Variants in NAV2 observed in about 807,000 individuals in gnomAD.
NAV2 encodes neuron navigator 2.
Under a neutral mutation model 223.2 loss-of-function variants are expected in NAV2, and 54 were observed. That is an observed-to-expected ratio of 0.24 (90% CI 0.19 to 0.30). The LOEUF is 0.30. NAV2 is among the 10% of genes least tolerant of loss of function. NAV2 has a pLI of 1.00. For synonymous variants in NAV2, 1,279 were observed against 1,239.3 expected, an observed-to-expected ratio of 1.03 and a Z score of -0.67; for missense variants, 2,806 against 3,147.5, an observed-to-expected ratio of 0.89 and a Z score of 2.60.
At chr11:19,514,967 G>A in intron 1 of NAV2, among the ~76,000 whole-genome samples, 1 of 152,122 alleles carries the variant, frequency 6.6e-6, no homozygotes, top group East Asian at 1.9e-4. Context: ...GGAAATCTAG[G>A]TTCTCCTTCC....
At chr11:19,710,645 G>T (rs1463332996), upstream of NAV2, among the ~76,000 whole-genome samples, 1 of 152,234 alleles carries the variant, frequency 6.6e-6, no homozygotes, top group Admixed American at 6.5e-5. Flanking sequence ...CACTGCATTA[G>T]GGCCATGGGA....
In NAV2 at chr11:20,114,809, C is replaced by T; in HGVS notation, c.7164+14C>T. On this transcript the variant is annotated intron_variant, in intron 37 of 37. Coordinates refer to ENST00000349880, the MANE Select transcript of NAV2 (RefSeq NM_145117.5). ...GGTGACCCGCTGGTGAGTCCTCAGCCACCAGAGCAGCTCAGCATTCCTTTA... is the reference window on the plus strand; with the variant it reads ...GGTGACCCGCTGGTGAGTCCTCAGCTACCAGAGCAGCTCAGCATTCCTTTA... The T allele has an allele frequency of 4.3e-6, 7 of 1,609,244 alleles. No individual in the cohort carries two copies. The highest frequency in any genetic ancestry group is 5.9e-6 in the Non-Finnish European group (7 of 1,177,612).
chr11:19,725,322 C>G (rs530235198), intron 1 of NAV2, among the ~76,000 whole-genome samples: 174 of 152,322 alleles, frequency 1.1e-3, no homozygotes, highest in African/African-American at 3.9e-3. Flanking sequence ...GGTCCTCCCT[C>G]AGTGCTGCCG....
intron 2 of NAV2, among the ~76,000 whole-genome samples, chr11:19,841,549 G>C (rs1440844578): frequency 6.6e-6 from 1 of 152,182 alleles, no homozygotes; most frequent in Non-Finnish European, 1.5e-5. Context: ...ATACACGTCT[G>C]CTAGGCTCTC....
At chr11:19,497,568 ATT>A (rs2042836772) in intron 1 of NAV2, among the ~76,000 whole-genome samples, 1 of 151,998 alleles carries the variant, frequency 6.6e-6, no homozygotes, top group Non-Finnish European at 1.5e-5. Flanking sequence ...TTTTCAGTAT[ATT>A]GTCCCTACTC....
intron 11 of NAV2, among the ~76,000 whole-genome samples, chr11:20,020,523 C>G (rs1001695404): frequency 7.2e-5 from 11 of 152,170 alleles, no homozygotes; most frequent in African/African-American, 2.2e-4. Context: ...TCTTTCAAAC[C>G]ATGAGAAAAC....
chr11:19,732,563 T>C (rs1413986753), intron 1 of NAV2, among the ~76,000 whole-genome samples: 1 of 152,002 alleles, frequency 6.6e-6, no homozygotes, highest in Admixed American at 6.6e-5. Context: ...TTCAGAGAGG[T>C]TAGGTAACCA....
intron 1 of NAV2, among the ~76,000 whole-genome samples, chr11:19,352,887 G>A (rs144508681): frequency 4.6e-5 from 7 of 152,216 alleles, no homozygotes; most frequent in African/African-American, 9.6e-5. Flanking sequence ...TTCTGTTGGC[G>A]GCAGCAGCTT....
intron 1 of NAV2, among the ~76,000 whole-genome samples, chr11:19,374,542 T>C (rs1187067487): frequency 6.6e-6 from 1 of 152,234 alleles, no homozygotes; most frequent in African/African-American, 2.4e-5. Flanking sequence ...ATTGTTTTGA[T>C]ACTTTATGTT....
At chr11:20,092,976 C>CCCCCCCCCCCCCCCCCCCCCCCCCCCT in intron 28 of NAV2, 123 bp from the exon 29 acceptor site, 1 of 188,486 alleles carries the variant, frequency 5.3e-6, no homozygotes, top group Non-Finnish European at 1.2e-5. Flanking sequence ...TTCCCCTACC[C>CCCCCCCCCCCCCCCCCCCCCCCCCCCT]CCCCACCCCC....
rs1309453790 is a variant in NAV2 at position 19,713,761 on chromosome 11, G to A, written c.66G>A (p.Ala22=). ...SGLPKPVHSA[A]PILHVPPARA... is the part of the protein sequence containing the mutation. ...TGCCCAAACCCGTGCACAGCGCCGC[G>A]CCCATCCTGCACGTGCCCCCGGCCC... Residue 22 remains alanine, a synonymous_variant, in exon 1 of 38, where the codon GCG becomes GCA. Transcript: ENST00000349880. The surrounding 1 kb of genome is among the most constrained non-coding windows in gnomAD (Gnocchi z 7.2). 2 of 1,612,382 alleles carry A rather than the reference G, an allele frequency of 1.2e-6. No homozygotes were observed. The highest frequency in any genetic ancestry group is 1.3e-5 in the African/African-American group (1 of 74,914).
At chr11:19,853,816 G>A (rs2061271818) in intron 3 of NAV2, among the ~76,000 whole-genome samples, 1 of 151,416 alleles carries the variant, frequency 6.6e-6, no homozygotes, top group Admixed American at 6.6e-5. Flanking sequence ...GGGCTTAAAT[G>A]CCTGTGTCCC....
At chr11:19,565,853 G>A (rs1423281528) in intron 1 of NAV2, among the ~76,000 whole-genome samples, 1 of 152,144 alleles carries the variant, frequency 6.6e-6, no homozygotes, top group Non-Finnish European at 1.5e-5. Context: ...GCCATCTAAA[G>A]ACGAAATGCT....
chr11:19,509,505 T>C (rs577857319), intron 1 of NAV2, among the ~76,000 whole-genome samples: 1 of 152,336 alleles, frequency 6.6e-6, no homozygotes, highest in East Asian at 1.9e-4. Flanking sequence ...ATAAAGGGAT[T>C]AGATGCAAAT....
At chr11:20,056,747 G>T in intron 19 of NAV2, 2 of 698,476 alleles carry the variant, frequency 2.9e-6, no homozygotes, top group South Asian at 3.3e-5. Context: ...CAGACTAGCA[G>T]AGTTTAAATT....
In NAV2 at chr11:20,036,038, T is replaced by C. The variant is rs1326109962; in HGVS notation, c.2848T>C (p.Ser950Pro). 1 of 1,614,108 alleles carries C rather than the reference T, an allele frequency of 6.2e-7. No homozygotes were observed. The highest frequency in any genetic ancestry group is 1.3e-5 in the African/African-American group (1 of 75,020). Residue 950 changes from serine (S) to proline (P), a missense_variant, in exon 12 of 38, where the codon TCC becomes CCC. Physicochemically the swap from Ser to Pro is moderately conservative, Grantham distance 74 (BLOSUM62 -1). This residue lies in a region of NAV2 where 73 missense variants were observed against 119.7 expected (regional missense o/e 0.61). Coordinates refer to ENST00000349880, the MANE Select transcript of NAV2 (RefSeq NM_145117.5). ...CAGCACTGATGACATCAACACCAGC[T>C]CCTCCATCAGCTCTTATGCCAACAC... ...NLSTDDINTS[S>P]SISSYANTPA...
chr11:19,803,175 CA>C (rs1461967832), intron 1 of NAV2, among the ~76,000 whole-genome samples: 1 of 152,134 alleles, frequency 6.6e-6, no homozygotes, highest in Non-Finnish European at 1.5e-5. Context: ...TTCTTGGCAC[CA>C]AAATATTCCC....
intron 6 of NAV2, among the ~76,000 whole-genome samples, chr11:19,921,595 C>T (rs965275050): frequency 2.0e-5 from 3 of 152,198 alleles, no homozygotes; most frequent in African/African-American, 7.2e-5. Flanking sequence ...AATACTATAT[C>T]TTGTACCCAG....
intron 1 of NAV2, among the ~76,000 whole-genome samples, chr11:19,454,775 A>G (rs899306614): frequency 2.6e-5 from 4 of 152,210 alleles, no homozygotes; most frequent in African/African-American, 9.6e-5. Context: ...GGAAAGGGCA[A>G]TTGATTTGAG....
Sources: gnomAD v4.1 joint callset for allele counts (sites outside exome capture counted in the v4.1 genomes callset) on GRCh38, gnomAD v4.1.1 for gene constraint, gnomAD v4.1.1 regional missense constraint, Gnocchi (gnomAD v3.1) non-coding constraint, MANE v1.5 for transcripts, NCBI Gene and HGNC (gene_info 2026-07-23, HGNC 2026-07-21) for gene names.